Variants in NLGN2 observed in about 807,000 individuals in gnomAD.
The protein encoded by NLGN2 is neuroligin-2.
NLGN2 carries 11 observed loss-of-function variants against 48.6 expected under a neutral mutation model. The ratio of observed to expected loss-of-function variants is 0.23; its 90% CI spans 0.14 to 0.37. The LOEUF is 0.37. Among genes scored for constraint, NLGN2 ranks in the 10% least tolerant of loss-of-function variants. NLGN2 has a pLI of 1.00. For missense variants in NLGN2, 801 were observed against 1,225.2 expected, an observed-to-expected ratio of 0.65 and a Z score of 5.17; for synonymous variants, 548 against 550.0, an observed-to-expected ratio of 1.00 and a Z score of 0.05.
Position 7,419,149 on chromosome 17 carries a change from C to T in NLGN2, c.*1350C>T, listed in dbSNP as rs1343157639. 6.6e-6 allele frequency: 1 copy of T among 152,360 alleles called. No homozygotes were observed. Among genetic ancestry groups the T allele is most frequent in the African/African-American group, 2.4e-5 (1 of 41,412 alleles). The allele number at this position is 152,360 out of a possible 1,614,324, so 9.4% of individuals were successfully genotyped here. On this transcript the variant is annotated 3_prime_UTR_variant, in exon 7 of 7. Transcript: ENST00000302926. The stretch of plus-strand genomic sequence containing the variant: ...GACCACCCTCCTCTGACCCACGCCC[C>T]CTCCTTGTCTGAAAGAAAGGAGCCT...
Position 7,414,497 on chromosome 17 carries a change from AG to A in NLGN2, c.658+7del. On this transcript the variant is annotated splice_donor_5th_base_variant and intron_variant, in intron 3 of 6. Coordinates refer to ENST00000302926, the MANE Select transcript of NLGN2 (RefSeq NM_020795.4). ...AACTACCGTCTTGGGGTGCTCGGTG[AG>A]GGTGGGCAGCCAACTCTGGGGCTCG... 6.2e-7 allele frequency: 1 copy of A among 1,611,800 alleles called. No individual in the cohort carries two copies. Among genetic ancestry groups the A allele is most frequent in the Non-Finnish European group, 8.5e-7 (1 of 1,178,160 alleles).
Position 7,415,069 on chromosome 17 carries a change from G to A in NLGN2, c.958G>A (p.Glu320Lys). The A allele has an allele frequency of 1.2e-6, 2 of 1,613,626 alleles. No homozygotes were observed. The highest frequency in any genetic ancestry group is 1.7e-6 in the Non-Finnish European group (2 of 1,180,042). ...GGCAGCCAAGGTGGGCTGTGACCGAGAGGACAGCGCTGAAGCTGTGGAGTG... is the reference window on the plus strand; with the variant it reads ...GGCAGCCAAGGTGGGCTGTGACCGAAAGGACAGCGCTGAAGCTGTGGAGTG... ...LLAAKVGCDR[E>K]DSAEAVECLR... The change falls in exon 5 of 7, where the codon GAG becomes AAG. Residue 320 changes from glutamate (E) to lysine (K), a missense_variant. Physicochemically the swap from Glu to Lys is moderately conservative, Grantham distance 56 (BLOSUM62 1). This residue lies in a region of NLGN2 where 303 missense variants were observed against 600.1 expected (regional missense o/e 0.50). Transcript: ENST00000302926.
rs556361694 is a variant in NLGN2 at position 7,414,257 on chromosome 17, G to T, written c.509-87G>T. On this transcript the variant is annotated intron_variant, in intron 2 of 6. Coordinates refer to ENST00000302926, the MANE Select transcript of NLGN2 (RefSeq NM_020795.4). ...TGAGCTCCAGGCCAGTCCTCAGCAG[G>T]CCTGGGAGCTGGGCGCTGCTGCTTC... The T allele has an allele frequency of 3.2e-5, 41 of 1,284,804 alleles. No homozygotes were observed. The East Asian group carries it at 8.8e-4, about 28-fold the overall frequency. 79.6% of individuals were successfully genotyped at this position (1,284,804 alleles called of 1,614,324 possible). A position where few individuals can be genotyped will look rare whatever the true frequency, so the allele number is the denominator to read the frequency against.
chr17:7,406,079 A>C (rs907563729), upstream of NLGN2, among the ~76,000 whole-genome samples: 1 of 152,116 alleles, frequency 6.6e-6, no homozygotes, highest in Non-Finnish European at 1.5e-5. Context: ...GAGAGACAGA[A>C]GGCTTAAGGG....
chr17:7,411,138 G>A lies in NLGN2; in HGVS notation c.458-1019G>A, dbSNP rs150167307. 1.1e-4 allele frequency among the ~76,000 whole-genome samples: 16 copies of A among 152,344 alleles called. No individual in the cohort carries two copies. Among genetic ancestry groups the A allele is most frequent in the Admixed American group, 6.5e-4 (10 of 15,308 alleles). ...GACACTGGGCGAACCTGGTGCTCCC[G>A]GTACCTGCTGGCACCTGTGTGCCAG... On this transcript the variant is annotated intron_variant, in intron 1 of 6. Coordinates refer to ENST00000302926, the MANE Select transcript of NLGN2 (RefSeq NM_020795.4). This position sits in a 1 kb window ranked among gnomAD's most constrained non-coding sequence, Gnocchi z 4.5.
chr17:7,415,169 G>A, intron 5 of NLGN2, 21 bp downstream of exon 5: 3 of 1,573,550 alleles, frequency 1.9e-6, no homozygotes, highest in East Asian at 2.2e-5. Context: ...GGAGAGGGCT[G>A]GGTCCAGGCC....
At chr17:7,416,706 GTC>G in intron 6 of NLGN2, among the ~76,000 whole-genome samples, 1 of 152,190 alleles carries the variant, frequency 6.6e-6, no homozygotes, top group East Asian at 1.9e-4. Flanking sequence ...GTCTCTGCCA[GTC>G]TGTCTCCATC....
In NLGN2 at chr17:7,417,382, C is replaced by T. The variant is rs570788622; in HGVS notation, c.2091C>T (p.Leu697=). Residue 697 remains leucine (L), a synonymous_variant, in exon 7 of 7, where the codon CTC becomes CTT. Transcript: ENST00000302926. ...LFLNILAFAA[L]YYKRDRRQEL... Reference sequence around the variant, plus strand: ...TCAACATCCTGGCCTTTGCTGCCCTCTACTACAAGCGGGACCGGCGGCAGG... The same window carrying T: ...TCAACATCCTGGCCTTTGCTGCCCTTTACTACAAGCGGGACCGGCGGCAGG... 49 of 1,611,222 alleles carry T rather than the reference C, an allele frequency of 3.0e-5. No homozygotes were observed. The South Asian group carries it at 5.4e-4, about 18-fold the overall frequency.
At position 7,415,722 on chromosome 17, in the gene NLGN2, C is replaced by T; in HGVS notation, c.1249C>T (p.Leu417=). 1.2e-6 allele frequency: 2 copies of T among 1,614,260 alleles called. No individual in the cohort carries two copies. The highest frequency in any genetic ancestry group is 1.7e-6 in the Non-Finnish European group (2 of 1,180,050). ...DFTVSNFVDN[L]YGYPEGKDVL... is the part of the protein sequence containing the mutation. ...CACTGTCTCCAACTTTGTGGACAAC[C>T]TGTATGGCTACCCGGAAGGCAAGGA... is the stretch of plus-strand genomic sequence containing the variant. The change falls in exon 6 of 7, where the codon CTG becomes TTG. Residue 417 remains leucine, a synonymous_variant. Coordinates refer to ENST00000302926, the MANE Select transcript of NLGN2 (RefSeq NM_020795.4).
rs942694026 is a variant in NLGN2, at chr17:7,408,601, G to A, written c.346G>A (p.Ala116Thr). The change falls in exon 1 of 7, where the codon GCC becomes ACC. Residue 116 changes from alanine to threonine, a missense_variant. By Grantham distance (58) the Ala-to-Thr change is moderately conservative. Coordinates refer to ENST00000302926, the MANE Select transcript of NLGN2 (RefSeq NM_020795.4). This position sits in a 1 kb window ranked among gnomAD's most constrained non-coding sequence, Gnocchi z 7.5. ...CPQNLHGALPAIMLPVWFTDN... is the reference protein window; with the variant it reads ...CPQNLHGALPTIMLPVWFTDN... ...GCAGAACCTGCACGGGGCGCTGCCC[G>A]CCATCATGCTGCCTGTGTGGTTCAC... 1 of 1,591,844 alleles carries A rather than the reference G, an allele frequency of 6.3e-7. No homozygotes were observed. Among genetic ancestry groups the A allele is most frequent in the Admixed American group, 1.8e-5 (1 of 56,962 alleles).
At chr17:7,414,624 G>C in intron 3 of NLGN2, 39 bp from the exon 4 acceptor site, 1 of 1,612,594 alleles carries the variant, frequency 6.2e-7, no homozygotes, top group South Asian at 1.1e-5. Context: ...CAGGGGCGCT[G>C]TGACACCTCC....
At position 7,417,097 on chromosome 17, in the gene NLGN2, G is replaced by A. The variant is rs370899257; in HGVS notation, c.1806G>A (p.Leu602=). ...GCGCCAACAAGGTGGCCTTCTGGCT[G>A]GAGCTCGTGCCCCACCTGCACAACC... ...NYRANKVAFW[L]ELVPHLHNLH... Residue 602 remains leucine (L), a synonymous_variant, in exon 7 of 7, where the codon CTG becomes CTA. Transcript: ENST00000302926. 8 of 1,613,216 alleles carry A rather than the reference G, an allele frequency of 5.0e-6. No individual in the cohort carries two copies. The African/African-American group carries it at 9.3e-5, about 19-fold the overall frequency.
At position 7,408,007 on chromosome 17, in the gene NLGN2, C is replaced by G. The variant is rs1483776591; in HGVS notation, c.-249C>G. Reference sequence around the variant, plus strand: ...TCCCTGCCCCTCTCGCTCCACCCCCCGCAGGTCGGGCCTGCCTTCACCTTC... The same window carrying G: ...TCCCTGCCCCTCTCGCTCCACCCCCGGCAGGTCGGGCCTGCCTTCACCTTC... On this transcript the variant is annotated 5_prime_UTR_variant, in exon 1 of 7. Transcript: ENST00000302926. This position sits in a 1 kb window ranked among gnomAD's most constrained non-coding sequence, Gnocchi z 7.5. The G allele has an allele frequency of 8.6e-6, 3 of 349,280 alleles. No homozygotes were observed. Among genetic ancestry groups the G allele is most frequent in the South Asian group, 1.2e-4 (1 of 8,584 alleles). The allele number at this position is 349,280 out of a possible 1,614,324, so 21.6% of individuals were successfully genotyped here.
chr17:7,416,084 C>T lies in NLGN2; in HGVS notation c.1611C>T (p.Tyr537=). 1 of 1,371,782 alleles carries T rather than the reference C, an allele frequency of 7.3e-7. No individual in the cohort carries two copies. The highest frequency in any genetic ancestry group is 1.1e-5 in the South Asian group (1 of 88,270). 85.0% of individuals were successfully genotyped at this position (1,371,782 alleles called of 1,614,324 possible). A position where few individuals can be genotyped will look rare whatever the true frequency, so the allele number is the denominator to read the frequency against. ...TGCTCAGTGCCGTGGTCATGACCTA[C>T]TGGACCAACTTCGCCAAGACTGGGT... is the stretch of plus-strand genomic sequence containing the variant. ...DVMLSAVVMT[Y]WTNFAKTGDP... Residue 537 remains tyrosine (Y), a synonymous_variant, in exon 6 of 7, where the codon TAC becomes TAT. Coordinates refer to ENST00000302926, the MANE Select transcript of NLGN2 (RefSeq NM_020795.4).
At position 7,411,866 on chromosome 17, in the gene NLGN2, G is replaced by A. The variant is rs1478795228; in HGVS notation, c.458-291G>A. On this transcript the variant is annotated intron_variant, in intron 1 of 6. Transcript: ENST00000302926. This position sits in a 1 kb window ranked among gnomAD's most constrained non-coding sequence, Gnocchi z 4.5. ...TTCCAGCCAAGTCGATATGTCTTAA[G>A]ACAGGCCTCAGCCCACTCAGGCACC... Among the ~76,000 whole-genome samples the A allele has an allele frequency of 6.7e-6, 1 of 150,052 alleles. No homozygotes were observed. The highest frequency in any genetic ancestry group is 2.5e-5 in the African/African-American group (1 of 40,740).
In NLGN2 at chr17:7,408,050, T is replaced by TACCCA; in HGVS notation, c.-206_-205insACCCA. On this transcript the variant is annotated 5_prime_UTR_variant, in exon 1 of 7. Transcript: ENST00000302926. This position sits in a 1 kb window ranked among gnomAD's most constrained non-coding sequence, Gnocchi z 7.5. ...TCACCTTCTCCCATTTCCTTCCCCTTCCCCACCCCGTGCCCCCTCCATGGA... is the reference window on the plus strand; with the variant it reads ...TCACCTTCTCCCATTTCCTTCCCCTTACCCACCCCACCCCGTGCCCCCTCCATGGA... 2.8e-6 allele frequency: 1 copy of TACCCA among 352,862 alleles called. No individual in the cohort carries two copies. Among genetic ancestry groups the TACCCA allele is most frequent in the Non-Finnish European group, 5.0e-6 (1 of 198,224 alleles). The allele number at this position is 352,862 out of a possible 1,614,324, so 21.9% of individuals were successfully genotyped here. A position where few individuals can be genotyped will look rare whatever the true frequency, so the allele number is the denominator to read the frequency against.
rs1348688076 is a variant in NLGN2, at chr17:7,413,503, C to T, written c.509-841C>T. On this transcript the variant is annotated intron_variant, in intron 2 of 6. Transcript: ENST00000302926. This position sits in a 1 kb window ranked among gnomAD's most constrained non-coding sequence, Gnocchi z 4.9. ...GAGCTGCAGGGGAGGATACTGTAGC[C>T]TCGGGGACCCTGGCAAGCACTCTCA... Among the ~76,000 whole-genome samples the T allele has an allele frequency of 6.6e-6, 1 of 152,146 alleles. No homozygotes were observed. Among genetic ancestry groups the T allele is most frequent in the Non-Finnish European group, 1.5e-5 (1 of 68,016 alleles).
chr17:7,415,409 G>T (rs1312910418), intron 5 of NLGN2, 102 bp from the exon 6 acceptor site: 2 of 1,117,760 alleles, frequency 1.8e-6, no homozygotes, highest in East Asian at 4.8e-5. Flanking sequence ...AGGGAAGAAG[G>T]GTCTTGCAGG....
chr17:7,414,533 G>A (rs1306003591), intron 3 of NLGN2, 40 bp downstream of exon 3: 4 of 1,611,958 alleles, frequency 2.5e-6, no homozygotes, highest in Non-Finnish European at 3.4e-6. Flanking sequence ...GGGGGAGTCT[G>A]GGAGGTGGGC....
Sources: allele counts gnomAD v4.1 joint callset (sites outside exome capture counted in the v4.1 genomes callset), GRCh38; gene constraint gnomAD v4.1.1; regional missense constraint gnomAD v4.1.1; non-coding constraint Gnocchi (gnomAD v3.1); transcripts MANE v1.5; gene names NCBI Gene and HGNC (gene_info 2026-07-23, HGNC 2026-07-21).